The following RHOH variants were observed in gnomAD, a reference collection of about 807,000 sequenced individuals.
The protein encoded by RHOH is rho-related GTP-binding protein RhoH.
Under a neutral mutation model 13.8 loss-of-function variants are expected in RHOH, and 6 were observed. The ratio of observed to expected loss-of-function variants is 0.44; its 90% CI spans 0.24 to 0.86. The LOEUF is 0.86. Among genes scored for constraint, RHOH ranks in the 40% least tolerant of loss-of-function variants. RHOH has a pLI of 0.24. For missense variants in RHOH, 147 were observed against 244.5 expected, an observed-to-expected ratio of 0.60 and a Z score of 2.66; for synonymous variants, 117 against 103.0, an observed-to-expected ratio of 1.14 and a Z score of -0.82.
At position 40,243,372 on chromosome 4, in the gene RHOH, C is replaced by G. The variant is rs746884004; in HGVS notation, c.-15C>G. On this transcript the variant is annotated 5_prime_UTR_variant, in exon 3 of 3. Coordinates refer to ENST00000381799, the MANE Select transcript of RHOH (RefSeq NM_004310.5). The surrounding 1 kb of genome is among the most constrained non-coding windows in gnomAD (Gnocchi z 6.2). The stretch of plus-strand genomic sequence containing the variant: ...TGGGATTCTGGACTTCAGAGTAGGA[C>G]AGCAGGCTGGGAAGATGCTGAGTTC... 7 of 1,564,566 alleles carry G rather than the reference C, an allele frequency of 4.5e-6. No individual in the cohort carries two copies. The East Asian group carries it at 1.4e-4, about 30-fold the overall frequency.
intron 1 of RHOH, among the ~76,000 whole-genome samples, chr4:40,226,534 A>AG (rs1263860650): frequency 6.7e-6 from 1 of 149,074 alleles, no homozygotes; most frequent in African/African-American, 2.6e-5. Context: ...CTCAAAAAAA[A>AG]AAAAAAAAAA....
intron 1 of RHOH, chr4:40,205,625 C>T (rs1724553120): frequency 6.6e-6 from 1 of 152,210 alleles, no homozygotes; most frequent in African/African-American, 2.4e-5. Context: ...TGTTCATTTC[C>T]TGTCCTCCCA....
upstream of RHOH, among the ~76,000 whole-genome samples, chr4:40,191,935 G>GT (rs112598152): frequency 6.0e-3 from 877 of 146,114 alleles, 2 homozygotes; most frequent in Middle Eastern, 0.014. Flanking sequence ...AGGGAGGCTG[G>GT]TTTTTTTTTT....
chr4:40,195,287 AGCTGATAACATCACCATG>A, upstream of RHOH, among the ~76,000 whole-genome samples: 1 of 152,334 alleles, frequency 6.6e-6, no homozygotes, highest in South Asian at 2.1e-4. Flanking sequence ...TGTTCTGCTC[AGCTGATAACATCACCATG>A]GTGATCTGGC....
rs1160931074 is a variant in RHOH, at chr4:40,243,875, T to G, written c.489T>G (p.Phe163Leu). Reference sequence around the variant, plus strand: ...GCAATCGGGGAGTACAGCAGGTGTTTGAGTGCGCCGTCCGAACTGCCGTCA... The same window carrying G: ...GCAATCGGGGAGTACAGCAGGTGTTGGAGTGCGCCGTCCGAACTGCCGTCA... ...ALSNRGVQQVFECAVRTAVNQ... is the reference protein window; with the variant it reads ...ALSNRGVQQVLECAVRTAVNQ... Residue 163 changes from phenylalanine (F) to leucine (L), a missense_variant, in exon 3 of 3, where the codon TTT (phenylalanine) becomes TTG (leucine). Coordinates refer to ENST00000381799, the MANE Select transcript of RHOH (RefSeq NM_004310.5). This position sits in a 1 kb window ranked among gnomAD's most constrained non-coding sequence, Gnocchi z 6.2. The G allele has an allele frequency of 6.2e-7, 1 of 1,614,170 alleles. No homozygotes were observed. Among genetic ancestry groups the G allele is most frequent in the Non-Finnish European group, 8.5e-7 (1 of 1,180,024 alleles).
At position 40,214,988 on chromosome 4, in the gene RHOH, C is replaced by T. The variant is rs1050905207; in HGVS notation, c.-331+17688C>T. 8.6e-5 allele frequency among the ~76,000 whole-genome samples: 13 copies of T among 151,946 alleles called. No homozygotes were observed. The East Asian group carries it at 1.2e-3, about 14-fold the overall frequency. ...CATGGTCAGCAAATGAATTGGCATC[C>T]GATATATAAGCAAATCTTGTGACTG... On this transcript the variant is annotated intron_variant, in intron 1 of 2. Coordinates refer to ENST00000381799, the MANE Select transcript of RHOH (RefSeq NM_004310.5).
rs1729655068 is a variant in RHOH, at chr4:40,244,733, A to G, written c.*771A>G. ...CTCATTCACCAAGATTGATTGAAAC[A>G]CCATCTTTCAGGTAGAGAATCAGAC... On this transcript the variant is annotated 3_prime_UTR_variant, in exon 3 of 3. Coordinates refer to ENST00000381799, the MANE Select transcript of RHOH (RefSeq NM_004310.5). 1 of 181,040 alleles carries G rather than the reference A, an allele frequency of 5.5e-6. No homozygotes were observed. Among genetic ancestry groups the G allele is most frequent in the East Asian group, 9.1e-5 (1 of 10,938 alleles). The allele number at this position is 181,040 out of a possible 1,614,324, so 11.2% of individuals were successfully genotyped here. A position where few individuals can be genotyped will look rare whatever the true frequency, so the allele number is the denominator to read the frequency against.
chr4:40,222,211 A>T (rs1726670106), intron 1 of RHOH, among the ~76,000 whole-genome samples: 2 of 152,252 alleles, frequency 1.3e-5, no homozygotes, highest in Admixed American at 1.3e-4. Context: ...ACAGCAAGTT[A>T]TCCAGAAGAT....
chr4:40,224,551 A>G (rs1726997291), intron 1 of RHOH, among the ~76,000 whole-genome samples: 1 of 152,228 alleles, frequency 6.6e-6, no homozygotes, highest in South Asian at 2.1e-4. Context: ...AGAATTTTAA[A>G]ACAGTAATAA....
chr4:40,238,189 C>T (rs1268321695), intron 1 of RHOH, among the ~76,000 whole-genome samples: 1 of 142,226 alleles, frequency 7.0e-6, no homozygotes, highest in Admixed American at 7.1e-5. Context: ...TCTGATCTGG[C>T]GGGGGCATCT....
At chr4:40,236,714 C>A (rs1728621137) in intron 1 of RHOH, among the ~76,000 whole-genome samples, 3 of 151,944 alleles carry the variant, frequency 2.0e-5, no homozygotes, top group African/African-American at 7.3e-5. Context: ...ATTGCTTGAA[C>A]CCGGGAGGTG....
intron 1 of RHOH, among the ~76,000 whole-genome samples, chr4:40,204,800 G>A (rs1382436119): frequency 6.6e-6 from 1 of 152,226 alleles, no homozygotes; most frequent in East Asian, 1.9e-4. Context: ...TGAGTAGCAT[G>A]TGGGGCTAGA....
At chr4:40,239,939 C>T (rs565345315) in intron 1 of RHOH, among the ~76,000 whole-genome samples, 11 of 152,094 alleles carry the variant, frequency 7.2e-5, no homozygotes, top group Admixed American at 1.3e-4. Context: ...CTCTCAACAA[C>T]CTGTGATACA....
chr4:40,228,710 A>G (rs549852923), intron 1 of RHOH, among the ~76,000 whole-genome samples: 1 of 152,272 alleles, frequency 6.6e-6, no homozygotes, highest in East Asian at 1.9e-4. Context: ...GTTTACGTCT[A>G]AGGGGAAAAC....
intron 1 of RHOH, among the ~76,000 whole-genome samples, chr4:40,210,089 C>CGTGTGT (rs5857717): frequency 0.11 from 16,231 of 145,450 alleles, 1,175 homozygotes; most frequent in African/African-American, 0.21. Flanking sequence ...ACATTGTGTG[C>CGTGTGT]GTGTGTGTGT....
rs1021861427 is a variant in RHOH, at chr4:40,218,527, G to A, written c.-331+21227G>A. ...TTGCAGGCATGCCAAAAAATGCAGG[G>A]CCAAGGCTGGGGGTGGAGAGGTAAG... On this transcript the variant is annotated intron_variant, in intron 1 of 2. Coordinates refer to ENST00000381799, the MANE Select transcript of RHOH (RefSeq NM_004310.5). This position sits in a 1 kb window ranked among gnomAD's most constrained non-coding sequence, Gnocchi z 4.1. Among the ~76,000 whole-genome samples, 2 of 152,170 alleles carry A rather than the reference G, an allele frequency of 1.3e-5. No individual in the cohort carries two copies. Among genetic ancestry groups the A allele is most frequent in the African/African-American group, 4.8e-5 (2 of 41,440 alleles).
At chr4:40,235,590 C>CA (rs34336418) in intron 1 of RHOH, among the ~76,000 whole-genome samples, 47,449 of 74,532 alleles carry the variant, frequency 0.64, 13,742 homozygotes, top group Non-Finnish European at 0.66. Context: ...AACTTCATCT[C>CA]AAAAAAAAAA....
intron 1 of RHOH, among the ~76,000 whole-genome samples, chr4:40,241,820 G>A (rs1170407973): frequency 6.6e-6 from 1 of 152,172 alleles, no homozygotes; most frequent in Non-Finnish European, 1.5e-5. Flanking sequence ...AGCCCAGGAG[G>A]TCCAGGCTGC....
chr4:40,218,987 A>G lies in RHOH; in HGVS notation c.-331+21687A>G, dbSNP rs1197588259. ...TGATCCATAATGGAAGGAATTGTTT[A>G]GTCCTGTACTAAAGGAATTTAGAAA... is the stretch of plus-strand genomic sequence containing the variant. On this transcript the variant is annotated intron_variant, in intron 1 of 2. Transcript: ENST00000381799. The surrounding 1 kb of genome is among the most constrained non-coding windows in gnomAD (Gnocchi z 4.1). 6.6e-6 allele frequency among the ~76,000 whole-genome samples: 1 copy of G among 152,264 alleles called. No homozygotes were observed. Among genetic ancestry groups the G allele is most frequent in the Non-Finnish European group, 1.5e-5 (1 of 68,046 alleles).
Sources: allele counts gnomAD v4.1 joint callset (sites outside exome capture counted in the v4.1 genomes callset), GRCh38; gene constraint gnomAD v4.1.1; non-coding constraint Gnocchi (gnomAD v3.1); transcripts MANE v1.5; gene names NCBI Gene and HGNC (gene_info 2026-07-23, HGNC 2026-07-21).